The following SGSM3 variants were observed in gnomAD, a reference collection of about 807,000 sequenced individuals.
The protein encoded by SGSM3 is small G protein signaling modulator 3.
Under a neutral mutation model 100.5 loss-of-function variants are expected in SGSM3, and 96 were observed. The observed-to-expected ratio is 0.96, with a 90% CI of 0.81 to 1.13. The LOEUF is 1.13. Ranked by LOEUF, SGSM3 falls within the 50% of genes most tolerant of loss-of-function variation. The pLI is 0.00. For missense variants in SGSM3, 1,001 were observed against 1,015.8 expected (o/e 0.99, Z 0.20); for synonymous variants, 483 against 422.8 (o/e 1.14, Z -1.75).
At chr22:40,384,166 C>G (rs2048046714) in intron 1 of SGSM3, among the ~76,000 whole-genome samples, 1 of 151,670 alleles carries the variant, frequency 6.6e-6, no homozygotes, top group Non-Finnish European at 1.5e-5. Context: ...ATTGCTTGAG[C>G]CTGGGAAGTC....
chr22:40,407,208 T>C lies in SGSM3; in HGVS notation c.1248T>C (p.Asp416=). The change falls in exon 12 of 22, where the codon GAT becomes GAC. Residue 416 remains aspartate (D), a synonymous_variant. Coordinates refer to ENST00000248929, the MANE Select transcript of SGSM3 (RefSeq NM_015705.6). The surrounding 1 kb of genome is among the most constrained non-coding windows in gnomAD (Gnocchi z 4.7). ...STITALLFGE[D]DLEALKAKNI... is the part of the protein sequence containing the mutation. ...GTTCTCTGGGCCTCCTAGGGGAGGATGACCTGGAGGCACTCAAGGCCAAGA... is the reference window on the plus strand; with the variant it reads ...GTTCTCTGGGCCTCCTAGGGGAGGACGACCTGGAGGCACTCAAGGCCAAGA... 1 of 1,613,550 alleles carries C rather than the reference T, an allele frequency of 6.2e-7. No homozygotes were observed. Among genetic ancestry groups the C allele is most frequent in the Non-Finnish European group, 8.5e-7 (1 of 1,179,956 alleles).
chr22:40,383,032 TA>T (rs1467761374), intron 1 of SGSM3, among the ~76,000 whole-genome samples: 1 of 152,040 alleles, frequency 6.6e-6, no homozygotes. Flanking sequence ...AACAGGTAAT[TA>T]AATATCTCAT....
chr22:40,402,355 C>CT (rs2050863462), intron 4 of SGSM3, 150 bp downstream of exon 4: 1 of 656,900 alleles, frequency 1.5e-6, no homozygotes, highest in African/African-American at 1.8e-5. Context: ...GGGTGATACT[C>CT]TCATAAGTAT....
At chr22:40,374,880 G>A (rs144349043) in intron 1 of SGSM3, among the ~76,000 whole-genome samples, 1 of 152,218 alleles carries the variant, frequency 6.6e-6, no homozygotes, top group East Asian at 1.9e-4. Context: ...ATGAGACCTT[G>A]CCTCAAACAA....
chr22:40,372,013 A>G (rs1191274741), intron 1 of SGSM3, among the ~76,000 whole-genome samples: 1 of 149,508 alleles, frequency 6.7e-6, no homozygotes, highest in African/African-American at 2.5e-5. Flanking sequence ...TTAATTTGTA[A>G]TTCTATAGAT....
rs765319098 is a variant in SGSM3, at chr22:40,401,584, T to C, written c.8-9T>C. ...TCTTGATTGTTCTCCTGGTCCTCTT[T>C]GGTTTTAGGAAGCCATACACCTGCC... On this transcript the variant is annotated splice_polypyrimidine_tract_variant and intron_variant, in intron 2 of 21. Transcript: ENST00000248929. 1.2e-6 allele frequency: 2 copies of C among 1,609,802 alleles called. No homozygotes were observed. The highest frequency in any genetic ancestry group is 1.7e-5 in the Admixed American group (1 of 59,932).
intron 1 of SGSM3, among the ~76,000 whole-genome samples, chr22:40,400,033 G>A (rs1433648788): frequency 6.6e-6 from 1 of 152,092 alleles, no homozygotes; most frequent in Non-Finnish European, 1.5e-5. Context: ...TTGAAGTGGT[G>A]GTTTGATTTT....
At chr22:40,382,238 G>A (rs965296381) in intron 1 of SGSM3, among the ~76,000 whole-genome samples, 2 of 152,198 alleles carry the variant, frequency 1.3e-5, no homozygotes, top group African/African-American at 2.4e-5. Flanking sequence ...CATAGCACCA[G>A]TTCTTCCATT....
At chr22:40,392,102 A>G (rs2049424349) in intron 1 of SGSM3, among the ~76,000 whole-genome samples, 2 of 152,180 alleles carry the variant, frequency 1.3e-5, no homozygotes, top group African/African-American at 2.4e-5. Context: ...ACTTCATTAT[A>G]ATAGGGAGCA....
chr22:40,406,415 C>A (rs755533197), intron 9 of SGSM3, 23 bp from the exon 10 acceptor site: 11 of 1,544,102 alleles, frequency 7.1e-6, no homozygotes, highest in Non-Finnish European at 9.6e-6. Context: ...CTTCTTCCCC[C>A]ATCCTGCCCT....
Position 40,407,293 on chromosome 22 carries a change from C to T in SGSM3, c.1333C>T (p.His445Tyr), listed in dbSNP as rs2051715758. ...LREAILRVAR[H>Y]FQCTDPKNCS... Reference sequence around the variant, plus strand: ...GGAAGCCATCCTGCGCGTGGCACGCCACTTCCAGTGCACAGACCCCAAAAA... The same window carrying T: ...GGAAGCCATCCTGCGCGTGGCACGCTACTTCCAGTGCACAGACCCCAAAAA... Residue 445 changes from histidine to tyrosine, a missense_variant, in exon 12 of 22, where the codon CAC becomes TAC. Coordinates refer to ENST00000248929, the MANE Select transcript of SGSM3 (RefSeq NM_015705.6). The surrounding 1 kb of genome is among the most constrained non-coding windows in gnomAD (Gnocchi z 4.7). 1.2e-6 allele frequency: 2 copies of T among 1,613,498 alleles called. No homozygotes were observed. The highest frequency in any genetic ancestry group is 2.2e-5 in the East Asian group (1 of 44,892).
chr22:40,390,835 G>A (rs1287237474), intron 1 of SGSM3, among the ~76,000 whole-genome samples: 1 of 152,178 alleles, frequency 6.6e-6, no homozygotes, highest in East Asian at 1.9e-4. Flanking sequence ...TATGAGCAGG[G>A]GGAGCAGTAG....
At chr22:40,394,432 G>T (rs1226679050) in intron 1 of SGSM3, among the ~76,000 whole-genome samples, 1 of 152,122 alleles carries the variant, frequency 6.6e-6, no homozygotes, top group Non-Finnish European at 1.5e-5. Context: ...TGGATCACGA[G>T]GTCAGGAGTT....
chr22:40,406,345 A>G (rs918193667), intron 9 of SGSM3, 93 bp from the exon 10 acceptor site: 18 of 1,506,502 alleles, frequency 1.2e-5, no homozygotes, highest in Non-Finnish European at 1.3e-5. Flanking sequence ...TGCCAAGGCA[A>G]ACGGGTCCCT....
At chr22:40,371,739 C>CG (rs199930911) in intron 1 of SGSM3, among the ~76,000 whole-genome samples, 3,107 of 151,944 alleles carry the variant, frequency 0.02, 119 homozygotes, top group African/African-American at 0.071. Flanking sequence ...CGCTCTTGCC[C>CG]GGGCTGGAGT....
chr22:40,383,415 C>T (rs890655271), intron 1 of SGSM3, among the ~76,000 whole-genome samples: 2 of 149,612 alleles, frequency 1.3e-5, no homozygotes, highest in Non-Finnish European at 3.0e-5. Flanking sequence ...CGCAGTGAGC[C>T]GAGATCACGC....
Position 40,410,289 on chromosome 22 carries a change from C to A in SGSM3, c.*530C>A. The A allele has an allele frequency of 1.7e-6, 1 of 595,318 alleles. No individual in the cohort carries two copies. The highest frequency in any genetic ancestry group is 2.2e-6 in the Non-Finnish European group (1 of 452,064). The allele number at this position is 595,318 out of a possible 1,614,324, so 36.9% of individuals were successfully genotyped here. Reference sequence around the variant, plus strand: ...GACTGAATAAGATGGACTAACAGGCCTGTGTTTTTGTGTTTATTTTAAAAA... The same window carrying A: ...GACTGAATAAGATGGACTAACAGGCATGTGTTTTTGTGTTTATTTTAAAAA... On this transcript the variant is annotated 3_prime_UTR_variant, in exon 22 of 22. Coordinates refer to ENST00000248929, the MANE Select transcript of SGSM3 (RefSeq NM_015705.6).
intron 1 of SGSM3, chr22:40,376,389 A>G (rs1282134454): frequency 2.6e-5 from 4 of 151,848 alleles, no homozygotes; most frequent in Non-Finnish European, 5.9e-5. Flanking sequence ...CCTGGGCTCA[A>G]GAGGTCCTCC....
At chr22:40,398,046 C>G (rs2050270668) in intron 1 of SGSM3, among the ~76,000 whole-genome samples, 1 of 148,048 alleles carries the variant, frequency 6.8e-6, no homozygotes, top group Non-Finnish European at 1.5e-5. Context: ...CAACTCACTG[C>G]AACCTCTGCC....
Sources: allele counts gnomAD v4.1 joint callset (sites outside exome capture counted in the v4.1 genomes callset), GRCh38; gene constraint gnomAD v4.1.1; non-coding constraint Gnocchi (gnomAD v3.1); transcripts MANE v1.5; gene names NCBI Gene and HGNC (gene_info 2026-07-23, HGNC 2026-07-21).